CPQ: variants seen among roughly 807,000 people sequenced by gnomAD.
The protein encoded by CPQ is carboxypeptidase Q.
In CPQ, 37 loss-of-function variants were observed where a neutral mutation model predicts 45.7. The ratio of observed to expected loss-of-function variants is 0.81; its 90% CI spans 0.62 to 1.07. The LOEUF is 1.07. CPQ is among the 50% of genes least tolerant of loss of function. The pLI is 0.00. For missense variants in CPQ, 537 were observed against 572.9 expected, an observed-to-expected ratio of 0.94 and a Z score of 0.64; for synonymous variants, 186 against 205.8, an observed-to-expected ratio of 0.90 and a Z score of 0.82.
intron 7 of CPQ, among the ~76,000 whole-genome samples, chr8:97,126,978 A>C (rs528222581): frequency 3.5e-4 from 54 of 152,348 alleles, no homozygotes; most frequent in Middle Eastern, 3.4e-3. Flanking sequence ...GAAAAAAATG[A>C]ACCTTAGCCC....
At chr8:96,971,545 C>T (rs182009410) in intron 5 of CPQ, among the ~76,000 whole-genome samples, 10 of 152,200 alleles carry the variant, frequency 6.6e-5, no homozygotes, top group African/African-American at 1.4e-4. Context: ...ATGTTGGATA[C>T]GCTTTCTGCA....
intron 2 of CPQ, among the ~76,000 whole-genome samples, chr8:96,792,696 ATTT>A (rs1810865933): frequency 6.6e-6 from 1 of 152,146 alleles, no homozygotes; most frequent in Admixed American, 6.6e-5. Context: ...TAGTTTACTC[ATTT>A]ATTTGAGAAA....
chr8:96,993,728 TA>T (rs1391061480), intron 5 of CPQ, among the ~76,000 whole-genome samples: 1 of 152,022 alleles, frequency 6.6e-6, no homozygotes, highest in African/African-American at 2.4e-5. Context: ...GTACAAACAA[TA>T]TATTGGTGTA....
At chr8:97,049,836 G>A (rs922391092) in intron 6 of CPQ, among the ~76,000 whole-genome samples, 2 of 152,164 alleles carry the variant, frequency 1.3e-5, no homozygotes, top group African/African-American at 2.4e-5. Flanking sequence ...TAGCAGTGAA[G>A]CATTGGCATT....
At chr8:96,764,857 C>T (rs994558848) in intron 1 of CPQ, among the ~76,000 whole-genome samples, 17 of 152,122 alleles carry the variant, frequency 1.1e-4, no homozygotes, top group Admixed American at 4.6e-4. Context: ...GAAAGGTTGA[C>T]CTTTAAAATA....
intron 7 of CPQ, among the ~76,000 whole-genome samples, chr8:97,103,420 AAC>A (rs1394152752): frequency 2.0e-5 from 3 of 152,192 alleles, no homozygotes; most frequent in African/African-American, 7.2e-5. Flanking sequence ...GTATTTTTTA[AAC>A]TCTAGTGTTA....
At chr8:96,727,616 G>T (rs911709235) in intron 1 of CPQ, among the ~76,000 whole-genome samples, 28 of 152,066 alleles carry the variant, frequency 1.8e-4, no homozygotes, top group African/African-American at 6.5e-4. Context: ...TAACTCTTAG[G>T]CCTCCCTGAC....
chr8:96,796,370 AATTC>A (rs1382442488), intron 2 of CPQ, among the ~76,000 whole-genome samples: 2 of 152,196 alleles, frequency 1.3e-5, no homozygotes, highest in Non-Finnish European at 2.9e-5. Context: ...GATGAATAAT[AATTC>A]ATTATTAATG....
intron 3 of CPQ, among the ~76,000 whole-genome samples, chr8:96,878,006 A>T (rs1275978308): frequency 6.6e-6 from 1 of 151,668 alleles, no homozygotes; most frequent in Admixed American, 6.6e-5. Flanking sequence ...TCTGTCGCCC[A>T]GGCTGGAGTG....
At chr8:96,850,584 T>TTTTA (rs199730159) in intron 3 of CPQ, among the ~76,000 whole-genome samples, 33,155 of 136,378 alleles carry the variant, frequency 0.24, 4,193 homozygotes, top group East Asian at 0.38. Context: ...TTTTATTTTA[T>TTTTA]TTTATTTATT....
intron 3 of CPQ, among the ~76,000 whole-genome samples, chr8:96,870,497 A>G (rs1221969704): frequency 6.6e-6 from 1 of 151,986 alleles, no homozygotes; most frequent in African/African-American, 2.4e-5. Flanking sequence ...GCGGCAATAT[A>G]AGATAGATTC....
chr8:96,995,269 G>A (rs1294511920), intron 5 of CPQ, among the ~76,000 whole-genome samples: 1 of 151,896 alleles, frequency 6.6e-6, no homozygotes, highest in Non-Finnish European at 1.5e-5. Flanking sequence ...TTTATAAGAG[G>A]GCCTAAAATA....
rs79757275 is a variant in CPQ at position 96,944,011 on chromosome 8, G to A, written c.850-21924G>A. On this transcript the variant is annotated intron_variant, in intron 4 of 7. Coordinates refer to ENST00000220763, the MANE Select transcript of CPQ (RefSeq NM_016134.4). ...AATATGTCTCTGGCATGGTCAAGAA[G>A]TTCTTTTTTCCTGATTCAAGTACTT... 1.5e-4 allele frequency among the ~76,000 whole-genome samples: 23 copies of A among 152,222 alleles called. 1 individual carries two copies. In the South Asian group the frequency reaches 4.8e-3, roughly 32 times the overall value.
intron 7 of CPQ, among the ~76,000 whole-genome samples, chr8:97,107,653 C>T (rs1811425907): frequency 6.6e-6 from 1 of 151,660 alleles, no homozygotes; most frequent in South Asian, 2.1e-4. Flanking sequence ...TGACTAAGCA[C>T]TTCTCCTTGG....
At chr8:96,697,967 T>C (rs1039901989) in intron 1 of CPQ, among the ~76,000 whole-genome samples, 2 of 152,154 alleles carry the variant, frequency 1.3e-5, no homozygotes, top group Non-Finnish European at 2.9e-5. Context: ...CCTATCATGA[T>C]ACCAATGACT....
At chr8:96,787,760 GT>G (rs1007085768) in intron 2 of CPQ, among the ~76,000 whole-genome samples, 1 of 151,166 alleles carries the variant, frequency 6.6e-6, no homozygotes. Flanking sequence ...CAGATTTTCA[GT>G]TTCTTCTTGA....
At chr8:97,076,961 A>G (rs1399936448) in intron 7 of CPQ, among the ~76,000 whole-genome samples, 1 of 152,186 alleles carries the variant, frequency 6.6e-6, no homozygotes, top group Non-Finnish European at 1.5e-5. Context: ...CAATTAACAC[A>G]TATTTTGTAA....
At chr8:96,943,539 A>G (rs1263431002) in intron 4 of CPQ, among the ~76,000 whole-genome samples, 1 of 152,208 alleles carries the variant, frequency 6.6e-6, no homozygotes, top group Non-Finnish European at 1.5e-5. Context: ...ATAGTTAAGA[A>G]ACCAAGGCAC....
chr8:96,727,887 G>A (rs1156844912), intron 1 of CPQ, among the ~76,000 whole-genome samples: 4 of 152,102 alleles, frequency 2.6e-5, no homozygotes, highest in African/African-American at 9.7e-5. Flanking sequence ...GAAATCTCTT[G>A]ACCTTTGAGT....
Sources: gnomAD v4.1 joint callset for allele counts (sites outside exome capture counted in the v4.1 genomes callset) on GRCh38, gnomAD v4.1.1 for gene constraint, MANE v1.5 for transcripts, NCBI Gene and HGNC (gene_info 2026-07-23, HGNC 2026-07-21) for gene names.